The following GALNT13 variants were observed in gnomAD, a reference collection of about 807,000 sequenced individuals.
GALNT13 encodes the protein polypeptide N-acetylgalactosaminyltransferase 13, also known as UDP-GalNAc:polypeptide N-acetylgalactosaminyltransferase 13.
In GALNT13, 28 loss-of-function variants were observed where a neutral mutation model predicts 64.2. That is an observed-to-expected ratio of 0.44 (90% CI 0.32 to 0.60). GALNT13 has a LOEUF of 0.60. Among genes scored for constraint, GALNT13 ranks in the 20% least tolerant of loss-of-function variants. GALNT13 has a pLI of 0.05. For missense variants in GALNT13, 577 were observed against 669.8 expected (o/e 0.86, Z 1.53); for synonymous variants, 214 against 224.6 (o/e 0.95, Z 0.42).
At chr2:153,346,542 T>C in the GALNT13 span, among the ~76,000 whole-genome samples, 2 of 152,204 alleles carry the variant, frequency 1.3e-5, no homozygotes, top group African/African-American at 4.8e-5. Flanking sequence ...AAAGATTCTC[T>C]TGGTTTTTCT....
chr2:153,458,330 C>T, the GALNT13 span, among the ~76,000 whole-genome samples: 1 of 152,122 alleles, frequency 6.6e-6, no homozygotes. Flanking sequence ...CCTCTCATGA[C>T]TTCTCATACC....
intron 9 of GALNT13, among the ~76,000 whole-genome samples, chr2:154,353,555 T>C (rs1181247398): frequency 6.6e-6 from 1 of 152,184 alleles, no homozygotes; most frequent in Non-Finnish European, 1.5e-5. Flanking sequence ...TTTGTATTCG[T>C]TGGTATCTCC....
the GALNT13 span, among the ~76,000 whole-genome samples, chr2:153,395,900 T>C: frequency 6.6e-6 from 1 of 152,112 alleles, no homozygotes; most frequent in Admixed American, 6.6e-5. Context: ...ACTATTGCAA[T>C]TGACCAGGGG....
At chr2:153,180,190 A>G in the GALNT13 span, among the ~76,000 whole-genome samples, 1 of 152,106 alleles carries the variant, frequency 6.6e-6, no homozygotes, top group African/African-American at 2.4e-5. Flanking sequence ...TATTGTGTTT[A>G]GGTACATTCC....
chr2:153,677,668 G>C, the GALNT13 span, among the ~76,000 whole-genome samples: 1 of 151,968 alleles, frequency 6.6e-6, no homozygotes, highest in African/African-American at 2.4e-5. Context: ...ATACTACAAG[G>C]CTACAGTAAA....
intron 8 of GALNT13, chr2:154,287,014 C>T: frequency 3.3e-6 from 2 of 607,444 alleles, no homozygotes; most frequent in Non-Finnish European, 6.1e-6. Context: ...ACTGATCACC[C>T]AAAGAGAGCT....
intron 3 of GALNT13, among the ~76,000 whole-genome samples, chr2:154,003,385 G>C (rs186714809): frequency 6.6e-6 from 1 of 152,108 alleles, no homozygotes; most frequent in Non-Finnish European, 1.5e-5. Context: ...CTTGGGAGAC[G>C]TGGGCGTTTA....
the GALNT13 span, among the ~76,000 whole-genome samples, chr2:153,196,256 G>A: frequency 2.0e-5 from 3 of 152,194 alleles, no homozygotes; most frequent in African/African-American, 7.2e-5. Flanking sequence ...TGTCCAGGCT[G>A]CTCATGCCAA....
Position 154,239,715 on chromosome 2 carries a change from A to G in GALNT13, c.312-2315A>G, listed in dbSNP as rs531484985. On this transcript the variant is annotated intron_variant, in intron 4 of 12. Transcript: ENST00000392825. ...TTATATGCACAGTATCTTTTGTATTATAGATGCTTAATAAATCTTTTTCAA... is the reference window on the plus strand; with the variant it reads ...TTATATGCACAGTATCTTTTGTATTGTAGATGCTTAATAAATCTTTTTCAA... Among the ~76,000 whole-genome samples, 4 of 152,276 alleles carry G rather than the reference A, an allele frequency of 2.6e-5. 1 individual carries two copies. The South Asian group carries it at 8.3e-4, about 32-fold the overall frequency.
chr2:153,087,894 G>T, the GALNT13 span, among the ~76,000 whole-genome samples: 1 of 151,946 alleles, frequency 6.6e-6, no homozygotes, highest in Non-Finnish European at 1.5e-5. Flanking sequence ...GTCTATCAAT[G>T]TTATGGATCT....
chr2:153,259,295 A>G, the GALNT13 span, among the ~76,000 whole-genome samples: 2 of 129,106 alleles, frequency 1.5e-5, no homozygotes, highest in African/African-American at 5.9e-5. Context: ...CCGTTCTTTT[A>G]TTTTCATTTT....
At chr2:153,351,156 G>A in the GALNT13 span, among the ~76,000 whole-genome samples, 5 of 152,156 alleles carry the variant, frequency 3.3e-5, no homozygotes, top group African/African-American at 9.7e-5. Flanking sequence ...AAAATGGTTA[G>A]TTGGTGTGTG....
chr2:153,896,674 A>AT (rs1259337808), intron 1 of GALNT13, among the ~76,000 whole-genome samples: 1 of 151,990 alleles, frequency 6.6e-6, no homozygotes. Flanking sequence ...TACAGATTAT[A>AT]TTGTCACCCA....
At chr2:153,282,029 A>G in the GALNT13 span, among the ~76,000 whole-genome samples, 2 of 152,022 alleles carry the variant, frequency 1.3e-5, no homozygotes, top group South Asian at 2.1e-4. Context: ...CTTCTCTCTC[A>G]TGAATGGCAG....
At chr2:154,053,743 A>G (rs1222941571) in intron 3 of GALNT13, among the ~76,000 whole-genome samples, 1 of 152,178 alleles carries the variant, frequency 6.6e-6, no homozygotes, top group East Asian at 1.9e-4. Context: ...AAGAAACAAA[A>G]TTTAAAGAAA....
At chr2:153,343,595 GC>G in the GALNT13 span, among the ~76,000 whole-genome samples, 1 of 151,962 alleles carries the variant, frequency 6.6e-6, no homozygotes, top group Non-Finnish European at 1.5e-5. Flanking sequence ...CATAAAAATA[GC>G]CTCTAACAGA....
chr2:154,291,557 C>T (rs111631830), intron 8 of GALNT13, among the ~76,000 whole-genome samples: 2,936 of 152,322 alleles, frequency 0.019, 69 homozygotes, highest in African/African-American at 0.059. Flanking sequence ...GCTTGTCCCC[C>T]AGTCAAGCCC....
At chr2:153,975,124 A>G (rs13417853) in intron 3 of GALNT13, among the ~76,000 whole-genome samples, 9,359 of 152,142 alleles carry the variant, frequency 0.062, 595 homozygotes, top group African/African-American at 0.16. Context: ...TTTTATTCTT[A>G]ATTCAAGGAA....
chr2:153,814,754 A>C, the GALNT13 span, among the ~76,000 whole-genome samples: 1 of 152,192 alleles, frequency 6.6e-6, no homozygotes, highest in Non-Finnish European at 1.5e-5. Flanking sequence ...CAGCCGTTTC[A>C]ACGATCTTCC....
Sources: gnomAD v4.1 joint callset for allele counts (sites outside exome capture counted in the v4.1 genomes callset) on GRCh38, gnomAD v4.1.1 for gene constraint, MANE v1.5 for transcripts, NCBI Gene and HGNC (gene_info 2026-07-23, HGNC 2026-07-21) for gene names.